The following IL1RAPL1 variants were observed in gnomAD, a reference collection of about 807,000 sequenced individuals.
IL1RAPL1 encodes interleukin 1 receptor accessory protein like 1, also known as interleukin-1 receptor accessory protein-like 1.
In IL1RAPL1, 3 loss-of-function variants were observed where a neutral mutation model predicts 48.4. That is an observed-to-expected ratio of 0.06 (90% CI 0.03 to 0.16). The LOEUF is 0.16. IL1RAPL1 is among the 10% of genes least tolerant of loss of function. IL1RAPL1 has a pLI of 1.00. For synonymous variants in IL1RAPL1, 185 were observed against 187.7 expected, an observed-to-expected ratio of 0.99 and a Z score of 0.12; for missense variants, 349 against 530.6, an observed-to-expected ratio of 0.66 and a Z score of 3.36.
chrX:28,848,308 T>C (rs1921564413), intron 2 of IL1RAPL1, among the ~76,000 whole-genome samples: 1 of 111,500 alleles, frequency 9.0e-6, no homozygotes, highest in South Asian at 3.8e-4. Flanking sequence ...TCTGCACATG[T>C]ATCCCAGAAC....
intron 8 of IL1RAPL1, among the ~76,000 whole-genome samples, chrX:29,923,542 G>A (rs2147242039): frequency 8.9e-6 from 1 of 112,442 alleles, no homozygotes; most frequent in East Asian, 2.8e-4. Flanking sequence ...GGCCTGGCAA[G>A]CTTGAGCATT....
At chrX:29,264,365 ATAAG>A (rs1406208843) in intron 2 of IL1RAPL1, among the ~76,000 whole-genome samples, 19 of 111,166 alleles carry the variant, frequency 1.7e-4, no homozygotes, top group African/African-American at 6.2e-4. Flanking sequence ...ATGATTTCCC[ATAAG>A]TAACACACTC....
At chrX:29,077,454 T>C (rs1220984124) in intron 2 of IL1RAPL1, among the ~76,000 whole-genome samples, 1 of 109,241 alleles carries the variant, frequency 9.2e-6, no homozygotes, top group Non-Finnish European at 1.9e-5. Flanking sequence ...AATACAAAAA[T>C]TACCTGGGCA....
intron 5 of IL1RAPL1, among the ~76,000 whole-genome samples, chrX:29,643,941 C>T (rs554839861): frequency 1.8e-5 from 2 of 111,903 alleles, no homozygotes; most frequent in East Asian, 2.8e-4. Flanking sequence ...TTCACTTAAA[C>T]GTCACAACAG....
intron 6 of IL1RAPL1, among the ~76,000 whole-genome samples, chrX:29,722,847 A>G (rs752619561): frequency 3.6e-5 from 4 of 112,410 alleles, no homozygotes; most frequent in South Asian, 7.3e-4. Flanking sequence ...CAGTTTTACA[A>G]TATTAATTTT....
intron 1 of IL1RAPL1, among the ~76,000 whole-genome samples, chrX:28,729,971 A>G (rs925032787): frequency 8.9e-6 from 1 of 111,837 alleles, no homozygotes; most frequent in Non-Finnish European, 1.9e-5. Flanking sequence ...CAAAAAACAA[A>G]ACAAAAAAAA....
chrX:29,756,871 C>G (rs1186400400), intron 6 of IL1RAPL1, among the ~76,000 whole-genome samples: 2 of 111,759 alleles, frequency 1.8e-5, no homozygotes, highest in Admixed American at 1.9e-4. Flanking sequence ...GGCCCTAATT[C>G]AGTATGATTA....
At chrX:29,756,708 C>T (rs1045909517) in intron 6 of IL1RAPL1, among the ~76,000 whole-genome samples, 4 of 111,993 alleles carry the variant, frequency 3.6e-5, no homozygotes, top group Admixed American at 9.5e-5. Flanking sequence ...CCACCATGCC[C>T]GGTCGCATAT....
intron 5 of IL1RAPL1, among the ~76,000 whole-genome samples, chrX:29,472,694 C>T (rs750241323): frequency 4.5e-5 from 5 of 111,823 alleles, no homozygotes; most frequent in African/African-American, 1.6e-4. Context: ...TACACATACT[C>T]CCCGTGTGAA....
chrX:29,658,084 T>C (rs1200173211), intron 5 of IL1RAPL1, among the ~76,000 whole-genome samples: 1 of 112,104 alleles, frequency 8.9e-6, no homozygotes, highest in Non-Finnish European at 1.9e-5. Context: ...TTATGCAAAA[T>C]CTACTGCAGT....
chrX:29,613,681 G>C (rs1009358989), intron 5 of IL1RAPL1, among the ~76,000 whole-genome samples: 1 of 106,207 alleles, frequency 9.4e-6, no homozygotes, highest in South Asian at 4.4e-4. Context: ...CTTGGGTGTG[G>C]TAGGACAAAT....
chrX:29,783,468 C>G (rs1378171689), intron 6 of IL1RAPL1, among the ~76,000 whole-genome samples: 2 of 111,427 alleles, frequency 1.8e-5, no homozygotes, highest in Non-Finnish European at 3.8e-5. Context: ...AGATAAATAA[C>G]TGAAAGATAT....
chrX:28,795,314 A>G (rs1458584098), intron 2 of IL1RAPL1, among the ~76,000 whole-genome samples: 1 of 111,799 alleles, frequency 8.9e-6, no homozygotes, highest in African/African-American at 3.2e-5. Flanking sequence ...GCACCTAACA[A>G]ACAAAATAAA....
chrX:29,927,910 G>GAGAGAAGGGA (rs1411518452), intron 8 of IL1RAPL1, among the ~76,000 whole-genome samples: 10 of 99,588 alleles, frequency 1.0e-4, no homozygotes, highest in African/African-American at 3.6e-4. Flanking sequence ...GGGAGGGAGG[G>GAGAGAAGGGA]AGAGAAGGGA....
At chrX:29,201,438 G>A (rs1411065098) in intron 2 of IL1RAPL1, among the ~76,000 whole-genome samples, 3 of 110,606 alleles carry the variant, frequency 2.7e-5, no homozygotes, top group Non-Finnish European at 3.8e-5. Flanking sequence ...AAAATATGAC[G>A]TTGTCTCTGT....
intron 5 of IL1RAPL1, among the ~76,000 whole-genome samples, chrX:29,582,497 C>T (rs1336280499): frequency 1.1e-5 from 1 of 91,750 alleles, no homozygotes; most frequent in Non-Finnish European, 2.1e-5. Context: ...CACCCACTAA[C>T]GTGTCATCTA....
At chrX:29,314,631 A>C (rs1176283616) in intron 3 of IL1RAPL1, among the ~76,000 whole-genome samples, 5 of 112,100 alleles carry the variant, frequency 4.5e-5, no homozygotes, top group Non-Finnish European at 9.4e-5. Context: ...TTGAGCGACA[A>C]CCTCTCTGAG....
chrX:29,390,849 T>TGTA (rs1233182024), intron 3 of IL1RAPL1, among the ~76,000 whole-genome samples: 3 of 112,006 alleles, frequency 2.7e-5, no homozygotes, highest in Non-Finnish European at 5.6e-5. Context: ...AGTTATGCAA[T>TGTA]GTAGTCATCC....
At chrX:29,688,716 T>A (rs2147109667) in intron 6 of IL1RAPL1, among the ~76,000 whole-genome samples, 1 of 99,218 alleles carries the variant, frequency 1.0e-5, no homozygotes, top group South Asian at 5.2e-4. Context: ...ATTCAATAAT[T>A]ATCAGGGTTG....
Sources: allele counts gnomAD v4.1 joint callset (sites outside exome capture counted in the v4.1 genomes callset), GRCh38; gene constraint gnomAD v4.1.1; transcripts MANE v1.5; gene names NCBI Gene and HGNC (gene_info 2026-07-23, HGNC 2026-07-21).